The following CDC73 variants were observed in gnomAD, a reference collection of about 807,000 sequenced individuals.
The protein encoded by CDC73 is cell division cycle 73, also known as parafibromin.
CDC73 carries 21 observed loss-of-function variants against 83.7 expected under a neutral mutation model. That is an observed-to-expected ratio of 0.25 (90% CI 0.18 to 0.36). The LOEUF is 0.36. Among genes scored for constraint, CDC73 ranks in the 10% least tolerant of loss-of-function variants. The pLI, the probability that CDC73 is intolerant of heterozygous loss-of-function variation, is 1.00. For synonymous variants in CDC73, 224 were observed against 212.9 expected, an observed-to-expected ratio of 1.05 and a Z score of -0.45; for missense variants, 342 against 653.3, an observed-to-expected ratio of 0.52 and a Z score of 5.19.
chr1:193,214,456 G>C (rs1349030786), intron 13 of CDC73, among the ~76,000 whole-genome samples: 1 of 152,148 alleles, frequency 6.6e-6, no homozygotes, highest in Admixed American at 6.5e-5. Flanking sequence ...GGTGGCTCAC[G>C]CCTGTGATCA....
chr1:193,201,581 T>A (rs529028265), intron 10 of CDC73, among the ~76,000 whole-genome samples: 1 of 152,220 alleles, frequency 6.6e-6, no homozygotes, highest in African/African-American at 2.4e-5. Flanking sequence ...GACCAGGGGA[T>A]AGAGCTTATT....
intron 10 of CDC73, among the ~76,000 whole-genome samples, chr1:193,203,340 G>A (rs1323560130): frequency 6.6e-6 from 1 of 152,014 alleles, no homozygotes; most frequent in Admixed American, 6.5e-5. Context: ...TATTTGAAAT[G>A]TTTGTTTTTT....
At chr1:193,170,973 G>A (rs1057026341) in intron 10 of CDC73, among the ~76,000 whole-genome samples, 8 of 152,146 alleles carry the variant, frequency 5.3e-5, no homozygotes, top group African/African-American at 1.2e-4. Flanking sequence ...GTTATCCAAG[G>A]ACTATATGGA....
chr1:193,241,811 G>A (rs987132913), intron 15 of CDC73, among the ~76,000 whole-genome samples: 1 of 152,196 alleles, frequency 6.6e-6, no homozygotes, highest in Non-Finnish European at 1.5e-5. Context: ...GGAGGACAGA[G>A]CCCAGCCAAG....
intron 10 of CDC73, chr1:193,179,060 T>C (rs1572178853): frequency 6.6e-6 from 1 of 152,208 alleles, no homozygotes; most frequent in African/African-American, 2.4e-5. Context: ...TTTTTTGTTT[T>C]CCTTTATTTT....
intron 10 of CDC73, among the ~76,000 whole-genome samples, chr1:193,154,067 C>G (rs1477003023): frequency 2.6e-5 from 4 of 152,184 alleles, no homozygotes; most frequent in African/African-American, 9.7e-5. Flanking sequence ...TAATTCATGG[C>G]TGAAGATTTA....
chr1:193,171,963 T>C (rs939663250), intron 10 of CDC73, among the ~76,000 whole-genome samples: 1 of 152,210 alleles, frequency 6.6e-6, no homozygotes, highest in African/African-American at 2.4e-5. Flanking sequence ...AGTCTTTCTC[T>C]GTCGCCCAGG....
In CDC73 at chr1:193,220,197, C is replaced by T. The variant is rs922709372; in HGVS notation, c.1154+7720C>T. ...TTTTTTTTTTTTTGAGACGGAGTCT[C>T]GCCGTGTCACCCAGGCTGGAGTGCA... On this transcript the variant is annotated intron_variant, in intron 13 of 16. Transcript: ENST00000367435. Among the ~76,000 whole-genome samples, 7 of 128,984 alleles carry T rather than the reference C, an allele frequency of 5.4e-5. No individual in the cohort carries two copies. In the East Asian group the frequency reaches 1.1e-3, roughly 21 times the overall value. 84.6% of individuals were successfully genotyped at this position (128,984 alleles called of 152,430 possible).
intron 15 of CDC73, among the ~76,000 whole-genome samples, chr1:193,249,320 C>T (rs186336570): frequency 7.2e-5 from 11 of 152,102 alleles, no homozygotes; most frequent in African/African-American, 2.4e-4. Context: ...CTATTGCACA[C>T]GTAATATAGA....
intron 13 of CDC73, among the ~76,000 whole-genome samples, chr1:193,212,712 A>G (rs1220921024): frequency 6.6e-6 from 1 of 152,204 alleles, no homozygotes; most frequent in East Asian, 1.9e-4. Flanking sequence ...AAAAGGTACT[A>G]TCGTATTAAC....
intron 10 of CDC73, among the ~76,000 whole-genome samples, chr1:193,163,206 C>G (rs1306516025): frequency 6.6e-6 from 1 of 150,552 alleles, no homozygotes; most frequent in South Asian, 2.1e-4. Context: ...TTTTTTCCCC[C>G]TCCTAGAAAA....
chr1:193,167,613 C>T (rs1028393570), intron 10 of CDC73, among the ~76,000 whole-genome samples: 1 of 151,986 alleles, frequency 6.6e-6, no homozygotes, highest in Non-Finnish European at 1.5e-5. Flanking sequence ...ATTTTCCTTC[C>T]CTGGCTAACA....
At chr1:193,230,698 A>T (rs1677649271) in intron 13 of CDC73, among the ~76,000 whole-genome samples, 1 of 151,990 alleles carries the variant, frequency 6.6e-6, no homozygotes, top group South Asian at 2.1e-4. Flanking sequence ...TTTTCCTTTC[A>T]TAGTGGTACA....
intron 2 of CDC73, among the ~76,000 whole-genome samples, chr1:193,125,998 C>A (rs188350892): frequency 1.1e-4 from 16 of 152,182 alleles, no homozygotes; most frequent in African/African-American, 3.9e-4. Flanking sequence ...TCTTAGTGCA[C>A]GCTGGTAATC....
chr1:193,251,208 TACTC>T lies in CDC73; in HGVS notation c.*498_*501del, dbSNP rs1678038373. On this transcript the variant is annotated 3_prime_UTR_variant, in exon 17 of 17. Transcript: ENST00000367435. ...CTTGTATGTACACTATATCTACACT[TACTC>T]ATTATTTAAAAAGAATAATGAAAAA... 1 of 232,586 alleles carries T rather than the reference TACTC, an allele frequency of 4.3e-6. No individual in the cohort carries two copies. The highest frequency in any genetic ancestry group is 8.5e-6 in the Non-Finnish European group (1 of 117,482). 14.4% of individuals were successfully genotyped at this position (232,586 alleles called of 1,614,324 possible).
chr1:193,228,463 A>C (rs1403503973), intron 13 of CDC73, among the ~76,000 whole-genome samples: 2 of 152,248 alleles, frequency 1.3e-5, no homozygotes, highest in African/African-American at 4.8e-5. Flanking sequence ...AATAATCCAC[A>C]CAATGTACTA....
intron 5 of CDC73, among the ~76,000 whole-genome samples, chr1:193,136,053 A>G (rs1189702030): frequency 1.3e-5 from 2 of 151,260 alleles, no homozygotes; most frequent in Non-Finnish European, 3.0e-5. Context: ...TTTTTTTTTT[A>G]ATAGAGACAG....
chr1:193,154,348 A>T lies in CDC73; in HGVS notation c.972+1904A>T, dbSNP rs551907942. Among the ~76,000 whole-genome samples the T allele has an allele frequency of 1.5e-4, 23 of 152,316 alleles. No homozygotes were observed. The South Asian group carries it at 4.8e-3, about 32-fold the overall frequency. ...TTCTTTGCAAGTAGTAAAATCTGTG[A>T]TGGGTTTTACAGTGATGCTTTGTAC... On this transcript the variant is annotated intron_variant, in intron 10 of 16. Coordinates refer to ENST00000367435, the MANE Select transcript of CDC73 (RefSeq NM_024529.5).
rs1263035261 is a variant in CDC73, at chr1:193,241,922, C to T, written c.1417+5566C>T. 4.6e-5 allele frequency among the ~76,000 whole-genome samples: 7 copies of T among 152,308 alleles called. No homozygotes were observed. The East Asian group carries it at 1.2e-3, about 25-fold the overall frequency. On this transcript the variant is annotated intron_variant, in intron 15 of 16. Coordinates refer to ENST00000367435, the MANE Select transcript of CDC73 (RefSeq NM_024529.5). ...ACTTGGGTCCTGCTGCTGGGGAGAG[C>T]AGCGTTGTTTTCAGTGGCAACGGCC...
Sources: allele counts gnomAD v4.1 joint callset (sites outside exome capture counted in the v4.1 genomes callset), GRCh38; gene constraint gnomAD v4.1.1; transcripts MANE v1.5; gene names NCBI Gene and HGNC (gene_info 2026-07-23, HGNC 2026-07-21).